UNC13C: variants seen among roughly 807,000 people sequenced by gnomAD.
The protein encoded by UNC13C is unc-13 homolog C.
Under a neutral mutation model 245.4 loss-of-function variants are expected in UNC13C, and 174 were observed. The ratio of observed to expected loss-of-function variants is 0.71; its 90% CI spans 0.63 to 0.80. UNC13C has a LOEUF of 0.80. UNC13C is among the 30% of genes least tolerant of loss of function. The probability of loss-of-function intolerance (pLI) is 0.00; values close to 1 mark genes in which losing one functional copy is unlikely to be tolerated. For missense variants in UNC13C, 2,829 were observed against 2,602.9 expected (o/e 1.09, Z -1.89); for synonymous variants, 992 against 895.1 (o/e 1.11, Z -1.93).
In UNC13C at chr15:54,457,886, C is replaced by A. The variant is rs80091370; in HGVS notation, c.4934-36722C>A. Among the ~76,000 whole-genome samples the A allele has an allele frequency of 7.7e-3, 844 of 108,998 alleles. 8 individuals carry two copies. Among genetic ancestry groups the A allele is most frequent in the African/African-American group, 0.028 (802 of 28,888 alleles). The allele number at this position is 108,998 out of a possible 152,430, so 71.5% of individuals were successfully genotyped here. On this transcript the variant is annotated intron_variant, in intron 19 of 32. Coordinates refer to ENST00000260323, the MANE Select transcript of UNC13C (RefSeq NM_001080534.3). ...TTCAATTTCATGTAGTTCTGCTCTG[C>A]TTTTCGTTTTTTTTTTTTTCCTTTT...
chr15:54,271,499 A>G (rs1458864626), intron 10 of UNC13C, among the ~76,000 whole-genome samples: 1 of 152,212 alleles, frequency 6.6e-6, no homozygotes, highest in African/African-American at 2.4e-5. Flanking sequence ...TAGAGAGAAA[A>G]TGCCAGTATG....
At chr15:53,914,889 G>A in the UNC13C span, among the ~76,000 whole-genome samples, 116 of 152,160 alleles carry the variant, frequency 7.6e-4, no homozygotes, top group Admixed American at 1.8e-3. Context: ...ATATGTGTGT[G>A]TATGTATACA....
intron 4 of UNC13C, among the ~76,000 whole-genome samples, chr15:54,206,522 A>G (rs997947373): frequency 3.9e-5 from 6 of 152,096 alleles, no homozygotes; most frequent in Admixed American, 2.0e-4. Flanking sequence ...TACAGAATGA[A>G]CCATTAATCA....
chr15:54,414,642 T>C (rs2040481699), intron 18 of UNC13C, among the ~76,000 whole-genome samples: 1 of 148,334 alleles, frequency 6.7e-6, no homozygotes, highest in Non-Finnish European at 1.5e-5. Context: ...TGAGACTCTG[T>C]CTCAAAAAAA....
At chr15:53,888,762 A>G in the UNC13C span, among the ~76,000 whole-genome samples, 3 of 152,048 alleles carry the variant, frequency 2.0e-5, no homozygotes, top group East Asian at 1.9e-4. Context: ...TCAGTTTTCC[A>G]TGTATGGCTA....
chr15:54,088,072 A>ATC (rs959428192), intron 2 of UNC13C, among the ~76,000 whole-genome samples: 1 of 151,992 alleles, frequency 6.6e-6, no homozygotes, highest in Middle Eastern at 3.4e-3. Context: ...ATATATATAT[A>ATC]TCTTGATTTT....
chr15:54,419,146 T>C (rs1018656096), intron 19 of UNC13C, among the ~76,000 whole-genome samples: 6 of 152,288 alleles, frequency 3.9e-5, no homozygotes, highest in African/African-American at 1.2e-4. Flanking sequence ...CCTTTGACCA[T>C]CTACTAAATC....
At chr15:54,411,290 G>A (rs1596338851) in intron 18 of UNC13C, among the ~76,000 whole-genome samples, 1 of 151,820 alleles carries the variant, frequency 6.6e-6, no homozygotes, top group African/African-American at 2.4e-5. Flanking sequence ...CCTGTTTGTG[G>A]CTTATGTTTT....
intron 31 of UNC13C, 102 bp from the exon 32 acceptor site, chr15:54,623,693 A>T: frequency 9.8e-7 from 1 of 1,017,450 alleles, no homozygotes; most frequent in Non-Finnish European, 1.4e-6. Flanking sequence ...CAGTGGAGTT[A>T]GGGCACTATT....
chr15:54,029,987 T>C (rs934196), intron 2 of UNC13C, among the ~76,000 whole-genome samples: 147,546 of 152,288 alleles, frequency 0.97, 71,660 homozygotes, highest in Middle Eastern at 1. Context: ...TGCAGCTTTC[T>C]ACCCTTTGGG....
chr15:54,182,249 T>G (rs1345235695), intron 4 of UNC13C, among the ~76,000 whole-genome samples: 1 of 152,022 alleles, frequency 6.6e-6, no homozygotes, highest in Non-Finnish European at 1.5e-5. Flanking sequence ...TGAAGGGATG[T>G]TGGATTTTAT....
At chr15:54,344,717 C>T (rs2038820135) in intron 17 of UNC13C, among the ~76,000 whole-genome samples, 1 of 152,080 alleles carries the variant, frequency 6.6e-6, no homozygotes, top group Admixed American at 6.5e-5. Flanking sequence ...CAAGTTAAGA[C>T]CTTTTTGTCT....
the UNC13C span, among the ~76,000 whole-genome samples, chr15:53,949,397 T>C: frequency 6.6e-6 from 1 of 152,140 alleles, no homozygotes; most frequent in Non-Finnish European, 1.5e-5. Context: ...TCCATAGACA[T>C]TTATTTTGGT....
chr15:54,368,484 C>T (rs1051179158), intron 17 of UNC13C, among the ~76,000 whole-genome samples: 4 of 151,954 alleles, frequency 2.6e-5, no homozygotes, highest in African/African-American at 9.7e-5. Context: ...AGAAGTGCCA[C>T]AACATGTGAG....
intron 2 of UNC13C, among the ~76,000 whole-genome samples, chr15:54,036,595 T>C (rs1896586282): frequency 6.6e-6 from 1 of 152,190 alleles, no homozygotes; most frequent in Non-Finnish European, 1.5e-5. Flanking sequence ...AGGGGAGGGA[T>C]AGAGCCCAAG....
At chr15:53,856,915 A>G in the UNC13C span, among the ~76,000 whole-genome samples, 2 of 152,080 alleles carry the variant, frequency 1.3e-5, no homozygotes, top group Non-Finnish European at 2.9e-5. Flanking sequence ...GGTAGTCTAA[A>G]TCTCTTTGTA....
intron 19 of UNC13C, among the ~76,000 whole-genome samples, chr15:54,487,792 CAGAG>C (rs10540751): frequency 8.6e-6 from 1 of 116,512 alleles, no homozygotes; most frequent in Admixed American, 9.9e-5. Flanking sequence ...AAAAAAAAGA[CAGAG>C]AGAGAGAAAA....
chr15:54,512,246 A>C (rs1894776762), intron 24 of UNC13C: 1 of 432,426 alleles, frequency 2.3e-6, no homozygotes, highest in African/African-American at 2.0e-5. Context: ...ACTGGAGTTT[A>C]TTTTTCACAT....
intron 30 of UNC13C, among the ~76,000 whole-genome samples, chr15:54,592,400 G>A (rs1898838907): frequency 1.3e-5 from 2 of 152,112 alleles, no homozygotes; most frequent in African/African-American, 4.8e-5. Context: ...GAGTATTGAA[G>A]TCCCCCACTA....
Sources: allele counts gnomAD v4.1 joint callset (sites outside exome capture counted in the v4.1 genomes callset), GRCh38; gene constraint gnomAD v4.1.1; transcripts MANE v1.5; gene names NCBI Gene and HGNC (gene_info 2026-07-23, HGNC 2026-07-21).